The following DTD1 variants were observed in gnomAD, a reference collection of about 807,000 sequenced individuals.
The protein encoded by DTD1 is D-tyrosyl-tRNA deacylase 1 homolog.
In DTD1, 13 loss-of-function variants were observed where a neutral mutation model predicts 25.6. The observed-to-expected ratio is 0.51, with a 90% CI of 0.33 to 0.81. The LOEUF (loss-of-function observed/expected upper bound fraction) is 0.81, where lower values mean the gene tolerates loss of function less well. Ranked by LOEUF, DTD1 falls within the 30% of genes least tolerant of loss-of-function variation. The pLI is 0.02. For synonymous variants in DTD1, 110 were observed against 103.6 expected (o/e 1.06, Z -0.37); for missense variants, 193 against 266.4 (o/e 0.72, Z 1.92).
At chr20:18,703,197 C>A (rs578014016) in intron 4 of DTD1, among the ~76,000 whole-genome samples, 3 of 152,242 alleles carry the variant, frequency 2.0e-5, no homozygotes, top group African/African-American at 4.8e-5. Flanking sequence ...GTTCAAAATT[C>A]TTTGCTTCAG....
chr20:18,618,353 T>A (rs774199017), intron 3 of DTD1, among the ~76,000 whole-genome samples: 2 of 151,792 alleles, frequency 1.3e-5, no homozygotes, highest in Admixed American at 1.3e-4. Context: ...TGTTTTTGTT[T>A]TTTTGTTTTT....
chr20:18,699,069 G>A (rs1206650756), intron 4 of DTD1, among the ~76,000 whole-genome samples: 1 of 152,152 alleles, frequency 6.6e-6, no homozygotes, highest in Non-Finnish European at 1.5e-5. Context: ...TTGGGAAAGT[G>A]GATTTGTGGC....
intron 4 of DTD1, among the ~76,000 whole-genome samples, chr20:18,653,490 G>A (rs1055080442): frequency 6.6e-6 from 1 of 152,184 alleles, no homozygotes; most frequent in Non-Finnish European, 1.5e-5. Flanking sequence ...ATTTTTGAGT[G>A]TGAAATAAGA....
In DTD1 at chr20:18,636,637, T is replaced by G. The variant is rs372718841; in HGVS notation, c.477+8404T>G. 1.3e-4 allele frequency among the ~76,000 whole-genome samples: 20 copies of G among 152,178 alleles called. No homozygotes were observed. The East Asian group carries it at 2.7e-3, about 21-fold the overall frequency. On this transcript the variant is annotated intron_variant, in intron 4 of 5. Coordinates refer to ENST00000377452, the MANE Select transcript of DTD1 (RefSeq NM_080820.6). The stretch of plus-strand genomic sequence containing the variant: ...TTAGGATGGGTCAGTGGGGTGTGAG[T>G]TGGATCAAGTAGACTCTTAGGGGCT...
intron 4 of DTD1, chr20:18,632,222 C>T (rs2122320996): frequency 2.0e-6 from 2 of 985,392 alleles, no homozygotes; most frequent in Non-Finnish European, 2.4e-6. Flanking sequence ...GCCATGTTAA[C>T]TTATAAGGAT....
At chr20:18,760,333 T>C (rs576724881) in intron 5 of DTD1, among the ~76,000 whole-genome samples, 29 of 152,338 alleles carry the variant, frequency 1.9e-4, no homozygotes, top group Non-Finnish European at 3.2e-4. Flanking sequence ...ATTTTAAGTT[T>C]TTCTACTCTG....
intron 4 of DTD1, among the ~76,000 whole-genome samples, chr20:18,654,006 T>C (rs2060883163): frequency 1.3e-5 from 2 of 152,238 alleles, no homozygotes; most frequent in Admixed American, 1.3e-4. Flanking sequence ...CAGGCTGCAC[T>C]GCTTTACATT....
At chr20:18,699,812 C>T (rs1488608616) in intron 4 of DTD1, among the ~76,000 whole-genome samples, 3 of 152,136 alleles carry the variant, frequency 2.0e-5, no homozygotes, top group African/African-American at 7.2e-5. Flanking sequence ...CTTAAACTTA[C>T]TTTGAAATAA....
At chr20:18,644,865 G>A (rs1384136520) in intron 4 of DTD1, among the ~76,000 whole-genome samples, 1 of 152,154 alleles carries the variant, frequency 6.6e-6, no homozygotes, top group Non-Finnish European at 1.5e-5. Context: ...GGCGTATGGG[G>A]CCAGGCGCAG....
At chr20:18,598,850 T>G (rs1308722317) in intron 3 of DTD1, among the ~76,000 whole-genome samples, 1 of 152,092 alleles carries the variant, frequency 6.6e-6, no homozygotes, top group Non-Finnish European at 1.5e-5. Context: ...CTCTGTGCTC[T>G]GGCTATTCAT....
At chr20:18,618,259 A>G (rs573681894) in intron 3 of DTD1, among the ~76,000 whole-genome samples, 19 of 152,318 alleles carry the variant, frequency 1.2e-4, no homozygotes, top group South Asian at 2.1e-4. Flanking sequence ...GTTTTAATGC[A>G]CAGAGTGTGG....
At chr20:18,588,659 T>C in intron 1 of DTD1, 2 of 894,244 alleles carry the variant, frequency 2.2e-6, no homozygotes, top group South Asian at 5.2e-5. Flanking sequence ...GACTGGAGCC[T>C]AGGCTGGATG....
chr20:18,632,275 C>T (rs1019138216), intron 4 of DTD1: 1 of 985,460 alleles, frequency 1.0e-6, no homozygotes, highest in Non-Finnish European at 1.2e-6. Context: ...TAGGAGTTTT[C>T]TCCTCAAATA....
At chr20:18,753,233 G>A (rs989450104) in intron 5 of DTD1, among the ~76,000 whole-genome samples, 3 of 152,182 alleles carry the variant, frequency 2.0e-5, no homozygotes, top group Admixed American at 2.0e-4. Flanking sequence ...TATCATTGCA[G>A]AAAATTCAAC....
chr20:18,742,633 C>T (rs2061282931), intron 4 of DTD1, among the ~76,000 whole-genome samples: 1 of 152,156 alleles, frequency 6.6e-6, no homozygotes, highest in Non-Finnish European at 1.5e-5. Flanking sequence ...CTGAAACCAT[C>T]CCCTCTTCTG....
rs1013949763 is a variant in DTD1 at position 18,765,960 on chromosome 20, T to C, written c.*2620T>C. ...AAACAGAGTGCTGTGCCGATAACACTGCATAGCAGGACCCATTTAATCTTG... is the reference window on the plus strand; with the variant it reads ...AAACAGAGTGCTGTGCCGATAACACCGCATAGCAGGACCCATTTAATCTTG... On this transcript the variant is annotated 3_prime_UTR_variant, in exon 6 of 6. Coordinates refer to ENST00000377452, the MANE Select transcript of DTD1 (RefSeq NM_080820.6). 6.6e-6 allele frequency: 1 copy of C among 152,218 alleles called. No homozygotes were observed. The highest frequency in any genetic ancestry group is 2.4e-5 in the African/African-American group (1 of 41,448). The allele number at this position is 152,218 out of a possible 1,614,324, so 9.4% of individuals were successfully genotyped here. A position where few individuals can be genotyped will look rare whatever the true frequency, so the allele number is the denominator to read the frequency against.
At chr20:18,653,813 C>T (rs1276617875) in intron 4 of DTD1, among the ~76,000 whole-genome samples, 1 of 152,138 alleles carries the variant, frequency 6.6e-6, no homozygotes, top group Non-Finnish European at 1.5e-5. Flanking sequence ...GTTATAATAA[C>T]AGAGCATCAT....
chr20:18,640,220 T>C (rs1174869884), intron 4 of DTD1, among the ~76,000 whole-genome samples: 2 of 152,246 alleles, frequency 1.3e-5, no homozygotes, highest in East Asian at 3.9e-4. Context: ...TAGTAAGCTT[T>C]TATAGTATTC....
intron 4 of DTD1, among the ~76,000 whole-genome samples, chr20:18,661,680 A>G (rs1241565083): frequency 1.3e-5 from 2 of 152,194 alleles, no homozygotes; most frequent in African/African-American, 4.8e-5. Context: ...TGAGTCTTCT[A>G]GTCTTTAAAC....
Sources: allele counts gnomAD v4.1 joint callset (sites outside exome capture counted in the v4.1 genomes callset), GRCh38; gene constraint gnomAD v4.1.1; transcripts MANE v1.5; gene names NCBI Gene and HGNC (gene_info 2026-07-23, HGNC 2026-07-21).